The following GMNC variants were observed in gnomAD, a reference collection of about 807,000 sequenced individuals.
The protein encoded by GMNC is geminin coiled-coil domain containing.
In GMNC, 16 loss-of-function variants were observed where a neutral mutation model predicts 33.6. The observed-to-expected ratio is 0.48, with a 90% confidence interval of 0.32 to 0.72. GMNC has a LOEUF of 0.72. Among genes scored for constraint, GMNC ranks in the 30% least tolerant of loss-of-function variants. The pLI is 0.03. For synonymous variants in GMNC, 156 were observed against 147.3 expected, an observed-to-expected ratio of 1.06 and a Z score of -0.43; for missense variants, 393 against 388.9, an observed-to-expected ratio of 1.01 and a Z score of -0.09.
intron 3 of GMNC, among the ~76,000 whole-genome samples, 161 bp downstream of exon 3, chr3:190,858,767 G>A (rs548092516): frequency 7.0e-4 from 106 of 152,262 alleles, no homozygotes; most frequent in African/African-American, 2.4e-3. Flanking sequence ...TCTTTTCTCT[G>A]ACATTGATCA....
the GMNC span, among the ~76,000 whole-genome samples, chr3:190,844,219 T>A: frequency 1.1e-4 from 17 of 152,106 alleles, no homozygotes; most frequent in Non-Finnish European, 2.5e-4. Context: ...GCTTATTATG[T>A]CTCTTTAGCT....
rs1737659166 is a variant in GMNC, at chr3:190,852,968, T to C, written c.*2327A>G. On this transcript the variant is annotated 3_prime_UTR_variant, in exon 5 of 5. Coordinates refer to ENST00000442080, the MANE Select transcript of GMNC (RefSeq NM_001146686.3). ...GGATATTAAATATTTATAGACATGA[T>C]TTCAAAAACGTGGTAATTGTCTTCC... is the stretch of plus-strand genomic sequence containing the variant. The C allele has an allele frequency of 1.3e-5, 2 of 152,146 alleles. No homozygotes were observed. The highest frequency in any genetic ancestry group is 4.1e-4 in the South Asian group (2 of 4,830). 9.4% of individuals were successfully genotyped at this position (152,146 alleles called of 1,614,324 possible).
At chr3:190,844,043 C>T in the GMNC span, among the ~76,000 whole-genome samples, 1 of 152,140 alleles carries the variant, frequency 6.6e-6, no homozygotes, top group Admixed American at 6.6e-5. Flanking sequence ...TAAATATCAT[C>T]ATTCCATTTA....
intron 4 of GMNC, 53 bp from the exon 5 acceptor site, chr3:190,855,968 C>T: frequency 1.5e-6 from 2 of 1,358,416 alleles, no homozygotes; most frequent in Middle Eastern, 2.5e-4. Context: ...TACTAGTTAA[C>T]TAAATTATTT....
At chr3:190,859,503 G>A (rs1737816676) in intron 2 of GMNC, among the ~76,000 whole-genome samples, 1 of 152,094 alleles carries the variant, frequency 6.6e-6, no homozygotes, top group Admixed American at 6.6e-5. Context: ...CTGCCTGCCT[G>A]TTTTAATCTA....
At position 190,862,358 on chromosome 3, in the gene GMNC, C is replaced by T. The variant is rs940566193; in HGVS notation, c.3+255G>A. 3.1e-5 allele frequency among the ~76,000 whole-genome samples: 2 copies of T among 65,218 alleles called. No homozygotes were observed. Among genetic ancestry groups the T allele is most frequent in the African/African-American group, 1.3e-4 (2 of 15,250 alleles). The allele number at this position is 65,218 out of a possible 152,430, so 42.8% of individuals were successfully genotyped here. ...GAGAAAGTAAGGAAAGTAGTAATAACAGAAAGAGAGAGAGAGGGCGAGAGA... is the reference window on the plus strand; with the variant it reads ...GAGAAAGTAAGGAAAGTAGTAATAATAGAAAGAGAGAGAGAGGGCGAGAGA... On this transcript the variant is annotated intron_variant, in intron 1 of 4. Coordinates refer to ENST00000442080, the MANE Select transcript of GMNC (RefSeq NM_001146686.3). This position sits in a 1 kb window ranked among gnomAD's most constrained non-coding sequence, Gnocchi z 4.5.
rs1560038822 is a variant in GMNC at position 190,861,494 on chromosome 3, CT to C, written c.4-637del. 6.6e-6 allele frequency among the ~76,000 whole-genome samples: 1 copy of C among 151,908 alleles called. No homozygotes were observed. Among genetic ancestry groups the C allele is most frequent in the African/African-American group, 2.4e-5 (1 of 41,330 alleles). On this transcript the variant is annotated intron_variant, in intron 1 of 4. Transcript: ENST00000442080. This position sits in a 1 kb window ranked among gnomAD's most constrained non-coding sequence, Gnocchi z 5.1. ...TCTATCTATCTATCTATCTATCTATCTATCTATCTATCTATCTCTGTCCCAG... is the reference window on the plus strand; with the variant it reads ...TCTATCTATCTATCTATCTATCTATCATCTATCTATCTATCTCTGTCCCAG...
chr3:190,855,797 C>A lies in GMNC; in HGVS notation c.503G>T (p.Arg168Ile), dbSNP rs989456898. The A allele has an allele frequency of 3.2e-6, 5 of 1,551,478 alleles. No homozygotes were observed. Among genetic ancestry groups the A allele is most frequent in the Non-Finnish European group, 4.4e-6 (5 of 1,146,880 alleles). ...AEIPHPKNAK[R>I]NLSSEFANCE... ...GTTAGCAAATTCACTAGAGAGGTTT[C>A]TTTTGGCATTTTTGGGATGGGGAAT... Residue 168 changes from arginine (R) to isoleucine (I), a missense_variant, in exon 5 of 5, where the codon AGA (arginine) becomes ATA (isoleucine). Transcript: ENST00000442080.
At position 190,857,861 on chromosome 3, in the gene GMNC, G is replaced by A. The variant is rs1737781244; in HGVS notation, c.306C>T (p.Ala102=). The A allele has an allele frequency of 2.6e-6, 4 of 1,550,976 alleles. No individual in the cohort carries two copies. Among genetic ancestry groups the A allele is most frequent in the Non-Finnish European group, 3.5e-6 (4 of 1,146,316 alleles). Residue 102 remains alanine, a synonymous_variant, in exon 4 of 5, where the codon GCC becomes GCT. Coordinates refer to ENST00000442080, the MANE Select transcript of GMNC (RefSeq NM_001146686.3). ...GGTGATTATTCTCTTCGTGTAACCTGGCGAGTTCTTCTTCCTTCTGCACCA... is the reference window on the plus strand; with the variant it reads ...GGTGATTATTCTCTTCGTGTAACCTAGCGAGTTCTTCTTCCTTCTGCACCA... ...DTLVQKEEEL[A]RLHEENNHLR...
the GMNC span, among the ~76,000 whole-genome samples, chr3:190,845,019 A>G: frequency 2.0e-5 from 3 of 152,180 alleles, no homozygotes; most frequent in South Asian, 2.1e-4. Flanking sequence ...AATGTACATT[A>G]TTTACAAAGT....
chr3:190,860,842 C>A lies in GMNC; in HGVS notation c.20G>T (p.Cys7Phe). ...GCCTCCTACAAAGTACTGGTCTTGG[C>A]AAGGCAGAATGGTGTTCTGTGAAAT... The part of the protein sequence containing the change: MNTILP[C>F]QDQYFVGGQS... The change falls in exon 2 of 5, where the codon TGC becomes TTC. Residue 7 changes from cysteine to phenylalanine, a missense_variant. Coordinates refer to ENST00000442080, the MANE Select transcript of GMNC (RefSeq NM_001146686.3). The A allele has an allele frequency of 6.5e-7, 1 of 1,548,102 alleles. No individual in the cohort carries two copies. Among genetic ancestry groups the A allele is most frequent in the Non-Finnish European group, 8.7e-7 (1 of 1,145,280 alleles).
At position 190,854,579 on chromosome 3, in the gene GMNC, T is replaced by C. The variant is rs1441902648; in HGVS notation, c.*716A>G. 1 of 152,246 alleles carries C rather than the reference T, an allele frequency of 6.6e-6. No individual in the cohort carries two copies. The highest frequency in any genetic ancestry group is 1.5e-5 in the Non-Finnish European group (1 of 68,050). 9.4% of individuals were successfully genotyped at this position (152,246 alleles called of 1,614,324 possible). A position where few individuals can be genotyped will look rare whatever the true frequency, so the allele number is the denominator to read the frequency against. On this transcript the variant is annotated 3_prime_UTR_variant, in exon 5 of 5. Transcript: ENST00000442080. The stretch of plus-strand genomic sequence containing the variant: ...GGAGTCATGTTGGTTAAAGAAATGA[T>C]GCTGGGTACATATAGAAGCTGATAC...
chr3:190,844,908 T>G, the GMNC span, among the ~76,000 whole-genome samples: 5 of 152,182 alleles, frequency 3.3e-5, no homozygotes, highest in African/African-American at 1.2e-4. Flanking sequence ...CTTTGTTATC[T>G]GCAATATGTA....
At chr3:190,846,055 C>G in the GMNC span, among the ~76,000 whole-genome samples, 4 of 152,132 alleles carry the variant, frequency 2.6e-5, no homozygotes, top group East Asian at 7.7e-4. Context: ...CGGAGAAAAC[C>G]AGCCCTTACC....
chr3:190,848,829 G>A (rs111874440), downstream of GMNC, among the ~76,000 whole-genome samples: 2,076 of 152,272 alleles, frequency 0.014, 34 homozygotes, highest in South Asian at 0.048. Flanking sequence ...TAATTTCCAA[G>A]CTTGACAGTT....
rs746342909 is a variant in GMNC, at chr3:190,855,619, C to G, written c.681G>C (p.Pro227=). 1 of 1,551,536 alleles carries G rather than the reference C, an allele frequency of 6.4e-7. No homozygotes were observed. The highest frequency in any genetic ancestry group is 8.7e-7 in the Non-Finnish European group (1 of 1,146,894). Residue 227 remains proline (P), a synonymous_variant, in exon 5 of 5, where the codon CCG becomes CCC. Transcript: ENST00000442080. ...TATTTTTATAATCAACTGCATCATC[C>G]GGAAACTGGGAAAATGTGCTGGCGA... is the stretch of plus-strand genomic sequence containing the variant. ...RRVASTFSQF[P]DDAVDYKNIP... is the part of the protein sequence containing the mutation.
chr3:190,861,179 C>T lies in GMNC; in HGVS notation c.4-321G>A, dbSNP rs1035837903. ...AACGACCAGCCCATCTAATAGTCTA[C>T]CCAGATCTAAATAAAGGGAATTCTA... On this transcript the variant is annotated intron_variant, in intron 1 of 4. Coordinates refer to ENST00000442080, the MANE Select transcript of GMNC (RefSeq NM_001146686.3). The surrounding 1 kb of genome is among the most constrained non-coding windows in gnomAD (Gnocchi z 5.1). Among the ~76,000 whole-genome samples, 1 of 152,122 alleles carries T rather than the reference C, an allele frequency of 6.6e-6. No homozygotes were observed. The highest frequency in any genetic ancestry group is 2.4e-5 in the African/African-American group (1 of 41,426).
At chr3:190,851,340 C>T (rs1274861198), downstream of GMNC, among the ~76,000 whole-genome samples, 1 of 152,196 alleles carries the variant, frequency 6.6e-6, no homozygotes, top group East Asian at 1.9e-4. Flanking sequence ...ATGTTGGTTT[C>T]TGTCATGCTT....
chr3:190,858,612 A>C (rs879592371), intron 3 of GMNC, among the ~76,000 whole-genome samples: 1 of 152,212 alleles, frequency 6.6e-6, no homozygotes, highest in Admixed American at 6.5e-5. Flanking sequence ...ATATCATTCG[A>C]TCTTTTCAAA....
Sources: allele counts gnomAD v4.1 joint callset (sites outside exome capture counted in the v4.1 genomes callset), GRCh38; gene constraint gnomAD v4.1.1; non-coding constraint Gnocchi (gnomAD v3.1); transcripts MANE v1.5; gene names NCBI Gene and HGNC (gene_info 2026-07-23, HGNC 2026-07-21).